KALRN: variants seen among roughly 807,000 people sequenced by gnomAD.
The protein encoded by KALRN is kalirin.
KALRN carries 70 observed loss-of-function variants against 353.7 expected under a neutral mutation model. That is an observed-to-expected ratio of 0.20 (90% CI 0.16 to 0.24). The LOEUF (loss-of-function observed/expected upper bound fraction) is 0.24. KALRN is among the 10% of genes least tolerant of loss of function. KALRN has a pLI of 1.00. For synonymous variants in KALRN, 1,391 were observed against 1,434.8 expected, an observed-to-expected ratio of 0.97 and a Z score of 0.69; for missense variants, 2,791 against 3,756.7, an observed-to-expected ratio of 0.74 and a Z score of 6.72.
Position 124,725,010 on chromosome 3 carries a change from A to G in KALRN, c.*5540A>G, listed in dbSNP as rs1420257351. 2.0e-5 allele frequency: 3 copies of G among 152,240 alleles called. No individual in the cohort carries two copies. The highest frequency in any genetic ancestry group is 1.9e-4 in the East Asian group (1 of 5,208). 9.4% of individuals were successfully genotyped at this position (152,240 alleles called of 1,614,324 possible). ...ATTTCAGATAGTGAGGTTAGCTGAG[A>G]AAAGGAAGCATGGTAGAAGAAATGC... On this transcript the variant is annotated 3_prime_UTR_variant, in exon 60 of 60. Coordinates refer to ENST00000682506, the MANE Select transcript of KALRN (RefSeq NM_001388419.1).
chr3:124,555,635 T>C (rs2071148198), intron 33 of KALRN, among the ~76,000 whole-genome samples: 1 of 152,066 alleles, frequency 6.6e-6, no homozygotes, highest in South Asian at 2.1e-4. Context: ...AAATTAACAG[T>C]TATCTGTAAG....
intron 8 of KALRN, among the ~76,000 whole-genome samples, chr3:124,331,557 T>A (rs1281373515): frequency 1.3e-5 from 2 of 152,220 alleles, no homozygotes. Flanking sequence ...TATTCTGTCA[T>A]TGTAGAAGGT....
chr3:124,335,467 C>A (rs755083882), intron 9 of KALRN, among the ~76,000 whole-genome samples: 2 of 152,102 alleles, frequency 1.3e-5, no homozygotes, highest in Non-Finnish European at 2.9e-5. Flanking sequence ...GCTACAAATG[C>A]CCTTTCAGAT....
rs2083443548 is a variant in KALRN at position 124,651,743 on chromosome 3, T to A, written c.5795+805T>A. On this transcript the variant is annotated intron_variant, in intron 38 of 59. Transcript: ENST00000682506. The stretch of plus-strand genomic sequence containing the variant: ...GCTTTGACCTCCTGGGCTCAAGGGA[T>A]CCTCTCACCTCAGCCTCCCAAGTAG... Among the ~76,000 whole-genome samples, 3 of 151,366 alleles carry A rather than the reference T, an allele frequency of 2.0e-5. No individual in the cohort carries two copies. In the South Asian group the frequency reaches 6.3e-4, roughly 32 times the overall value.
chr3:124,224,452 G>A (rs547633265), intron 1 of KALRN, among the ~76,000 whole-genome samples: 1 of 152,090 alleles, frequency 6.6e-6, no homozygotes. Context: ...TGCATTCAAA[G>A]CTGTCCTGGG....
intron 34 of KALRN, among the ~76,000 whole-genome samples, chr3:124,622,115 G>A (rs2079339926): frequency 6.6e-6 from 1 of 152,154 alleles, no homozygotes; most frequent in Non-Finnish European, 1.5e-5. Context: ...AAGTACATTG[G>A]CCTTATACAA....
At chr3:124,394,133 G>A (rs530100281) in intron 11 of KALRN, among the ~76,000 whole-genome samples, 85 of 152,370 alleles carry the variant, frequency 5.6e-4, no homozygotes, top group African/African-American at 1.9e-3. Flanking sequence ...GAAGGGTATA[G>A]TGATTTGTGC....
chr3:124,701,057 T>G (rs1288735015), intron 56 of KALRN, among the ~76,000 whole-genome samples: 1 of 152,236 alleles, frequency 6.6e-6, no homozygotes, highest in Non-Finnish European at 1.5e-5. Context: ...CAGGGTCAGC[T>G]GAGCCAAGCT....
chr3:124,683,771 G>T (rs3821532), intron 51 of KALRN, among the ~76,000 whole-genome samples: 24,104 of 152,104 alleles, frequency 0.16, 2,407 homozygotes, highest in Middle Eastern at 0.28. Flanking sequence ...TTAGCTTGGG[G>T]AGTTAAAAAC....
At chr3:124,442,374 T>C (rs2093696177) in intron 19 of KALRN, among the ~76,000 whole-genome samples, 1 of 152,238 alleles carries the variant, frequency 6.6e-6, no homozygotes, top group Non-Finnish European at 1.5e-5. Flanking sequence ...ATACAGCAGC[T>C]ACTGAGCTAG....
intron 33 of KALRN, among the ~76,000 whole-genome samples, chr3:124,543,801 A>G (rs1047824798): frequency 1.3e-5 from 2 of 152,206 alleles, no homozygotes; most frequent in Non-Finnish European, 2.9e-5. Context: ...TCTAATGTGA[A>G]CAAAAGGGTA....
At chr3:124,276,957 GCA>G (rs2074801603) in intron 5 of KALRN, among the ~76,000 whole-genome samples, 2 of 152,052 alleles carry the variant, frequency 1.3e-5, no homozygotes, top group Non-Finnish European at 2.9e-5. Context: ...ATGTGCGCAT[GCA>G]CACACACATG....
intron 3 of KALRN, among the ~76,000 whole-genome samples, chr3:124,248,628 G>A (rs867082629): frequency 6.6e-6 from 1 of 152,230 alleles, no homozygotes; most frequent in African/African-American, 2.4e-5. Context: ...ATTTACTGAC[G>A]TAATTCAAGC....
intron 1 of KALRN, among the ~76,000 whole-genome samples, chr3:124,185,424 T>C (rs2074099040): frequency 6.6e-6 from 1 of 152,208 alleles, no homozygotes; most frequent in African/African-American, 2.4e-5. Flanking sequence ...CCTTCCTAGT[T>C]AGAAAAGGGA....
chr3:124,440,355 C>T (rs1027622226), intron 18 of KALRN, among the ~76,000 whole-genome samples: 3 of 152,054 alleles, frequency 2.0e-5, no homozygotes, highest in South Asian at 2.1e-4. Context: ...CCATATGTCC[C>T]TGAAACCATA....
intron 1 of KALRN, among the ~76,000 whole-genome samples, chr3:124,089,340 G>A (rs2060983544): frequency 6.6e-6 from 1 of 152,164 alleles, no homozygotes; most frequent in Non-Finnish European, 1.5e-5. Flanking sequence ...CTGGGCTGAG[G>A]AGTGAGGCTT....
chr3:124,255,726 T>G (rs1247986514), intron 3 of KALRN, among the ~76,000 whole-genome samples: 1 of 152,060 alleles, frequency 6.6e-6, no homozygotes, highest in Non-Finnish European at 1.5e-5. Context: ...CTTATCCCAG[T>G]GCAGATGGAG....
chr3:124,686,798 ATTTTTTT>A (rs10599336), intron 51 of KALRN, among the ~76,000 whole-genome samples: 16,178 of 72,002 alleles, frequency 0.22, 2,272 homozygotes, highest in Middle Eastern at 0.39. Flanking sequence ...CACTGGTGAG[ATTTTTTT>A]TTTTTTTTTT....
chr3:124,591,488 C>T (rs1057104716), intron 34 of KALRN, among the ~76,000 whole-genome samples: 2 of 152,158 alleles, frequency 1.3e-5, no homozygotes, highest in Admixed American at 1.3e-4. Context: ...CATCTTTGAA[C>T]ATTGCTTTTT....
Sources: gnomAD v4.1 joint callset for allele counts (sites outside exome capture counted in the v4.1 genomes callset) on GRCh38, gnomAD v4.1.1 for gene constraint, MANE v1.5 for transcripts, NCBI Gene and HGNC (gene_info 2026-07-23, HGNC 2026-07-21) for gene names.